The following STK3 variants were observed in gnomAD, a reference collection of about 807,000 sequenced individuals.
STK3 encodes the protein serine/threonine kinase 3, also known as serine/threonine-protein kinase 3.
Under a neutral mutation model 58.0 loss-of-function variants are expected in STK3, and 41 were observed. That is an observed-to-expected ratio of 0.71 (90% CI 0.55 to 0.92). The LOEUF (loss-of-function observed/expected upper bound fraction) is 0.92. Ranked by LOEUF, STK3 falls within the 40% of genes least tolerant of loss-of-function variation. The probability of loss-of-function intolerance (pLI) is 0.00; values close to 1 mark genes in which losing one functional copy is unlikely to be tolerated. For synonymous variants in STK3, 170 were observed against 191.0 expected (o/e 0.89, Z 0.91); for missense variants, 479 against 602.7 (o/e 0.79, Z 2.15).
At chr8:98,917,226 AC>A (rs1357008314) in intron 1 of STK3, among the ~76,000 whole-genome samples, 1 of 152,242 alleles carries the variant, frequency 6.6e-6, no homozygotes, top group Non-Finnish European at 1.5e-5. Flanking sequence ...TAGGCACTTA[AC>A]AAATATTTAT....
chr8:98,514,928 T>C (rs755885099), intron 10 of STK3, among the ~76,000 whole-genome samples: 2 of 152,124 alleles, frequency 1.3e-5, no homozygotes, highest in Non-Finnish European at 2.9e-5. Context: ...CCTTTTTCTA[T>C]TCTTTATCTC....
rs1274734758 is a variant in STK3, at chr8:98,534,175, C to A, written c.1142-7258G>T. Among the ~76,000 whole-genome samples, 6 of 152,168 alleles carry A rather than the reference C, an allele frequency of 3.9e-5. No individual in the cohort carries two copies. In the East Asian group the frequency reaches 9.6e-4, roughly 24 times the overall value. On this transcript the variant is annotated intron_variant, in intron 9 of 10. Coordinates refer to ENST00000419617, the MANE Select transcript of STK3 (RefSeq NM_006281.4). ...TAGTGGAAAAATAGAAAAAGACTCTCAACACAACTGTTTATCTAAGGACCA... is the reference window on the plus strand; with the variant it reads ...TAGTGGAAAAATAGAAAAAGACTCTAAACACAACTGTTTATCTAAGGACCA...
intron 1 of STK3, among the ~76,000 whole-genome samples, chr8:98,907,258 A>G (rs1208287725): frequency 6.6e-6 from 1 of 152,192 alleles, no homozygotes; most frequent in African/African-American, 2.4e-5. Flanking sequence ...TTATGGCTGT[A>G]ATCCCAGCAC....
intron 6 of STK3, among the ~76,000 whole-genome samples, chr8:98,700,075 G>A (rs927401152): frequency 7.9e-5 from 12 of 152,296 alleles, no homozygotes; most frequent in East Asian, 1.9e-4. Context: ...AATGGCGGGC[G>A]CCCCTCCCCC....
intron 10 of STK3, chr8:98,526,514 T>C (rs893962823): frequency 1.7e-5 from 5 of 301,310 alleles, no homozygotes; most frequent in East Asian, 5.5e-5. Flanking sequence ...ATTTGAGCTA[T>C]GATTTATTTA....
At chr8:98,574,819 A>G (rs547974221) in intron 8 of STK3, among the ~76,000 whole-genome samples, 23 of 152,282 alleles carry the variant, frequency 1.5e-4, no homozygotes, top group South Asian at 4.1e-4. Context: ...GAGAACACAG[A>G]AAGGAGCCAT....
intron 10 of STK3, 114 bp downstream of exon 10, chr8:98,526,628 G>T: frequency 2.4e-6 from 2 of 831,698 alleles, no homozygotes; most frequent in Non-Finnish European, 1.7e-6. Context: ...TTAACATATG[G>T]TCTATAATTG....
chr8:98,631,052 G>T (rs771230146), intron 6 of STK3, among the ~76,000 whole-genome samples: 3 of 151,930 alleles, frequency 2.0e-5, no homozygotes, highest in Non-Finnish European at 4.4e-5. Flanking sequence ...TAGATAATCA[G>T]AAAATACAAA....
chr8:98,762,830 T>C (rs919095520), intron 3 of STK3, among the ~76,000 whole-genome samples: 29 of 152,224 alleles, frequency 1.9e-4, no homozygotes, highest in Non-Finnish European at 5.9e-5. Flanking sequence ...TAGGAATGCC[T>C]TGAGAGTGCT....
At chr8:98,392,679 A>G (rs560201548), upstream of STK3, among the ~76,000 whole-genome samples, 44 of 152,162 alleles carry the variant, frequency 2.9e-4, no homozygotes, top group Non-Finnish European at 5.6e-4. Context: ...GCCTGATGTC[A>G]CTTGAGGAAA....
At chr8:98,924,173 G>T (rs1032966323) in intron 1 of STK3, among the ~76,000 whole-genome samples, 2 of 152,174 alleles carry the variant, frequency 1.3e-5, no homozygotes, top group African/African-American at 4.8e-5. Context: ...CCCCGTCCTT[G>T]GCAGGCCTCT....
intron 9 of STK3, among the ~76,000 whole-genome samples, chr8:98,528,374 T>C (rs1282072769): frequency 6.6e-6 from 1 of 152,148 alleles, no homozygotes; most frequent in African/African-American, 2.4e-5. Flanking sequence ...TCTTGATCAG[T>C]GGTTTTCAAA....
At chr8:98,878,511 G>T (rs1026829253) in intron 3 of STK3, among the ~76,000 whole-genome samples, 2 of 151,970 alleles carry the variant, frequency 1.3e-5, no homozygotes, top group Non-Finnish European at 2.9e-5. Flanking sequence ...CCGATTACCA[G>T]CTCTGTCATA....
intron 1 of STK3, among the ~76,000 whole-genome samples, chr8:98,891,160 C>G (rs1838185831): frequency 6.6e-6 from 1 of 152,232 alleles, no homozygotes; most frequent in Non-Finnish European, 1.5e-5. Context: ...ACCACAGCCA[C>G]GTGCTGCGCC....
At chr8:98,633,663 C>G (rs143946380) in intron 6 of STK3, 10 of 706,706 alleles carry the variant, frequency 1.4e-5, no homozygotes, top group African/African-American at 1.7e-5. Context: ...TGATCCTGTA[C>G]AGAAACTCTT....
chr8:98,364,101 C>G, the STK3 span, among the ~76,000 whole-genome samples: 1 of 152,128 alleles, frequency 6.6e-6, no homozygotes, highest in East Asian at 1.9e-4. Context: ...CTGTGGGAGG[C>G]AGCGAGCCTG....
At chr8:98,459,301 T>G (rs554237186) in intron 10 of STK3, among the ~76,000 whole-genome samples, 1 of 152,322 alleles carries the variant, frequency 6.6e-6, no homozygotes, top group East Asian at 1.9e-4. Context: ...ATAGGGTATC[T>G]GGGGGAATAA....
chr8:98,504,537 C>T (rs1823893818), intron 10 of STK3, among the ~76,000 whole-genome samples: 1 of 152,136 alleles, frequency 6.6e-6, no homozygotes, highest in African/African-American at 2.4e-5. Flanking sequence ...CCAGTTGTTC[C>T]TTTCCATGTT....
At chr8:98,356,808 T>C in the STK3 span, among the ~76,000 whole-genome samples, 1 of 152,232 alleles carries the variant, frequency 6.6e-6, no homozygotes, top group African/African-American at 2.4e-5. Context: ...ATTTTTAATA[T>C]TTAAAAGTGG....
Sources: gnomAD v4.1 joint callset for allele counts (sites outside exome capture counted in the v4.1 genomes callset) on GRCh38, gnomAD v4.1.1 for gene constraint, MANE v1.5 for transcripts, NCBI Gene and HGNC (gene_info 2026-07-23, HGNC 2026-07-21) for gene names.